The following FIGN variants were observed in gnomAD, a reference collection of about 807,000 sequenced individuals.
FIGN encodes fidgetin, microtubule severing factor.
A neutral mutation model predicts 51.3 loss-of-function variants in FIGN; 11 were observed. That is an observed-to-expected ratio of 0.21 (90% CI 0.13 to 0.35). The LOEUF (loss-of-function observed/expected upper bound fraction) is 0.35, where lower values mean the gene tolerates loss of function less well. Among genes scored for constraint, FIGN ranks in the 10% least tolerant of loss-of-function variants. The pLI, the probability that FIGN is intolerant of heterozygous loss-of-function variation, is 1.00. For synonymous variants in FIGN, 407 were observed against 363.2 expected (o/e 1.12, Z -1.37); for missense variants, 857 against 943.6 (o/e 0.91, Z 1.20).
intron 2 of FIGN, among the ~76,000 whole-genome samples, chr2:163,663,523 G>A (rs1476083780): frequency 4.6e-5 from 7 of 151,432 alleles, no homozygotes; most frequent in East Asian, 2.0e-4. Flanking sequence ...TAGTAGAGAC[G>A]GGGTTTCTCC....
chr2:163,665,650 A>T (rs1192525428), intron 2 of FIGN, among the ~76,000 whole-genome samples: 3 of 152,246 alleles, frequency 2.0e-5, no homozygotes, highest in Non-Finnish European at 4.4e-5. Context: ...TAAATCCATT[A>T]TAAAGAATTC....
chr2:163,663,522 C>T (rs190973883), intron 2 of FIGN, among the ~76,000 whole-genome samples: 3 of 151,130 alleles, frequency 2.0e-5, no homozygotes, highest in South Asian at 2.1e-4. Context: ...TTAGTAGAGA[C>T]GGGGTTTCTC....
chr2:163,688,624 A>G (rs113657743), intron 2 of FIGN, among the ~76,000 whole-genome samples: 55 of 152,218 alleles, frequency 3.6e-4, no homozygotes, highest in African/African-American at 1.3e-3. Flanking sequence ...TCATGCAGTG[A>G]ATGTTGGGAG....
intron 2 of FIGN, among the ~76,000 whole-genome samples, chr2:163,644,058 G>A (rs534508589): frequency 6.7e-6 from 1 of 149,576 alleles, no homozygotes; most frequent in Non-Finnish European, 1.5e-5. Context: ...TCTTAGATAT[G>A]ACCCAAAAGC....
At chr2:163,725,125 C>A (rs961282533) in intron 2 of FIGN, among the ~76,000 whole-genome samples, 1 of 151,992 alleles carries the variant, frequency 6.6e-6, no homozygotes, top group Non-Finnish European at 1.5e-5. Context: ...TAATATAAAC[C>A]CTAATATTAT....
At chr2:163,671,015 C>G (rs1051554361) in intron 2 of FIGN, among the ~76,000 whole-genome samples, 5 of 152,200 alleles carry the variant, frequency 3.3e-5, no homozygotes, top group African/African-American at 1.2e-4. Context: ...GCATCAAGAT[C>G]AGTCTGGAAC....
intron 2 of FIGN, among the ~76,000 whole-genome samples, chr2:163,678,761 T>C (rs191691895): frequency 9.5e-4 from 145 of 152,314 alleles, no homozygotes; most frequent in Middle Eastern, 3.4e-3. Flanking sequence ...GAAGATATCC[T>C]TGGGATAGTC....
intron 2 of FIGN, among the ~76,000 whole-genome samples, chr2:163,696,949 G>GTA (rs1684329667): frequency 6.6e-6 from 1 of 151,134 alleles, no homozygotes; most frequent in Non-Finnish European, 1.5e-5. Context: ...AATATTCCAG[G>GTA]TATGAGCCAC....
At chr2:163,628,393 G>A (rs2105309158) in intron 2 of FIGN, among the ~76,000 whole-genome samples, 1 of 152,284 alleles carries the variant, frequency 6.6e-6, no homozygotes, top group Non-Finnish European at 1.5e-5. Context: ...GACAGGTTCT[G>A]GAAGCAGAGT....
At chr2:163,616,731 G>C (rs556300034) in intron 2 of FIGN, among the ~76,000 whole-genome samples, 1 of 151,800 alleles carries the variant, frequency 6.6e-6, no homozygotes, top group East Asian at 1.9e-4. Flanking sequence ...TATTAGCAAG[G>C]GTTTCTCTGA....
At chr2:163,618,306 A>G (rs974352088) in intron 2 of FIGN, among the ~76,000 whole-genome samples, 1 of 152,146 alleles carries the variant, frequency 6.6e-6, no homozygotes, top group African/African-American at 2.4e-5. Flanking sequence ...AATACTGTCA[A>G]ATACTTTTTT....
intron 2 of FIGN, among the ~76,000 whole-genome samples, chr2:163,616,579 A>T (rs971991194): frequency 2.0e-5 from 3 of 152,204 alleles, no homozygotes; most frequent in Non-Finnish European, 4.4e-5. Context: ...ACCTGCAGGC[A>T]TGGCAGGTTT....
chr2:163,700,862 CA>C (rs1452139977), intron 2 of FIGN, among the ~76,000 whole-genome samples: 6 of 152,066 alleles, frequency 3.9e-5, no homozygotes, highest in African/African-American at 1.4e-4. Flanking sequence ...CCATGATAAT[CA>C]ATTAACAAGG....
At chr2:163,713,855 A>G (rs1027804167) in intron 2 of FIGN, among the ~76,000 whole-genome samples, 5 of 152,186 alleles carry the variant, frequency 3.3e-5, no homozygotes, top group Non-Finnish European at 5.9e-5. Flanking sequence ...GAGGGGGGAA[A>G]AAAGAAAATT....
intron 2 of FIGN, among the ~76,000 whole-genome samples, chr2:163,612,966 C>A (rs1455187747): frequency 6.6e-6 from 1 of 151,790 alleles, no homozygotes; most frequent in South Asian, 2.1e-4. Flanking sequence ...CTAAGTGAAG[C>A]AAAGTTGACT....
chr2:163,697,984 A>T (rs1349429442), intron 2 of FIGN, among the ~76,000 whole-genome samples: 1 of 152,152 alleles, frequency 6.6e-6, no homozygotes, highest in East Asian at 1.9e-4. Context: ...AGGGAGATAG[A>T]TGGAAAAGGG....
At chr2:163,677,676 TTC>T (rs970114926) in intron 2 of FIGN, among the ~76,000 whole-genome samples, 2 of 152,234 alleles carry the variant, frequency 1.3e-5, no homozygotes, top group African/African-American at 4.8e-5. Context: ...TCAAATTAAA[TTC>T]TCTTTTTTTA....
At chr2:163,660,791 GTATATAGA>G (rs1192056342) in intron 2 of FIGN, among the ~76,000 whole-genome samples, 2,546 of 57,164 alleles carry the variant, frequency 0.045, 1,128 homozygotes, top group Admixed American at 0.057. Flanking sequence ...ACATATATAT[GTATATAGA>G]TATACATATA....
rs202072418 is a variant in FIGN, at chr2:163,676,434, A to AAT, written c.25+58467_25+58468dup. Among the ~76,000 whole-genome samples, 105 of 65,854 alleles carry AAT rather than the reference A, an allele frequency of 1.6e-3. 1 individual carries two copies. The highest frequency in any genetic ancestry group is 2.1e-3 in the African/African-American group (43 of 20,206). The allele number at this position is 65,854 out of a possible 152,430, so 43.2% of individuals were successfully genotyped here. Reference sequence around the variant, plus strand: ...ATTAAAACATCTCATGGATTCCTGGAATATATATATATATATATATATATA... The same window carrying AAT: ...ATTAAAACATCTCATGGATTCCTGGAATATATATATATATATATATATATATA... On this transcript the variant is annotated intron_variant, in intron 2 of 2. Coordinates refer to ENST00000333129, the MANE Select transcript of FIGN (RefSeq NM_018086.4).
Sources: allele counts gnomAD v4.1 joint callset (sites outside exome capture counted in the v4.1 genomes callset), GRCh38; gene constraint gnomAD v4.1.1; transcripts MANE v1.5; gene names NCBI Gene and HGNC (gene_info 2026-07-23, HGNC 2026-07-21).